The following ASB10 variants were observed in gnomAD, a reference collection of about 807,000 sequenced individuals.
ASB10 encodes ankyrin repeat and SOCS box protein 10.
Under a neutral mutation model 35.4 loss-of-function variants are expected in ASB10, and 44 were observed. The ratio of observed to expected loss-of-function variants is 1.24; its 90% CI spans 0.98 to 1.60. The LOEUF (loss-of-function observed/expected upper bound fraction) is 1.60. Ranked by LOEUF, ASB10 falls within the 40% of genes most tolerant of loss-of-function variation. The pLI, the probability that ASB10 is intolerant of heterozygous loss-of-function variation, is 0.00. For synonymous variants in ASB10, 294 were observed against 280.4 expected, an observed-to-expected ratio of 1.05 and a Z score of -0.49; for missense variants, 647 against 634.3, an observed-to-expected ratio of 1.02 and a Z score of -0.22.
rs762613067 is a variant in ASB10 at position 151,176,299 on chromosome 7, TG to T, written c.1219-3del. The stretch of plus-strand genomic sequence containing the variant: ...GGAGGAGTAGAAACGCTGATGTTTC[TG>T]GGGGCAGAACAAGGGGCTCAGTGAG... On this transcript the variant is annotated splice_polypyrimidine_tract_variant and splice_region_variant and intron_variant, in intron 4 of 5. Transcript: ENST00000420175. 3.2e-6 allele frequency: 5 copies of T among 1,541,876 alleles called. No homozygotes were observed. The South Asian group carries it at 5.1e-5, about 16-fold the overall frequency.
Position 151,176,228 on chromosome 7 carries a change from G to T in ASB10, c.1288C>A (p.Arg430Ser), listed in dbSNP as rs775363638. Residue 430 changes from arginine to serine, a missense_variant, in exon 5 of 6, where the codon CGC becomes AGC. Arg to Ser is a moderately radical substitution (Grantham distance 110). Coordinates refer to ENST00000420175, the MANE Select transcript of ASB10 (RefSeq NM_001142459.2). ...RQPRSLQHLS[R>S]CALRSHLEGS... ...TCCAGGTGGGAGCGGAGCGCACAGC[G>T]GCTCAAATGCTGCAGCGACCTGGGC... 1 of 1,603,348 alleles carries T rather than the reference G, an allele frequency of 6.2e-7. No individual in the cohort carries two copies. The highest frequency in any genetic ancestry group is 1.7e-5 in the Admixed American group (1 of 58,352).
intron 2 of ASB10, among the ~76,000 whole-genome samples, chr7:151,184,338 G>T (rs964196848): frequency 1.3e-5 from 2 of 151,936 alleles, no homozygotes; most frequent in South Asian, 4.2e-4. Context: ...GCGTGAACCC[G>T]GGAGGCGGAG....
chr7:151,180,905 A>C, intron 3 of ASB10, 34 bp downstream of exon 3: 5 of 1,457,288 alleles, frequency 3.4e-6, no homozygotes, highest in Non-Finnish European at 3.6e-6. Flanking sequence ...TCCCCTCACC[A>C]TGGTGGCCCT....
Position 151,186,804 on chromosome 7 carries a change from C to G in ASB10, c.316+11G>C, listed in dbSNP as rs559264032. On this transcript the variant is annotated intron_variant, in intron 1 of 5. Coordinates refer to ENST00000420175, the MANE Select transcript of ASB10 (RefSeq NM_001142459.2). ...TCTCCCACTGAGAGCCCCCAGTGCC[C>G]CGGCCCGTACTCAGAGCACGGATGT... 1 of 1,571,870 alleles carries G rather than the reference C, an allele frequency of 6.4e-7. No homozygotes were observed. The highest frequency in any genetic ancestry group is 1.3e-5 in the African/African-American group (1 of 74,448).
At chr7:151,185,605 G>A (rs980594817) in intron 2 of ASB10, among the ~76,000 whole-genome samples, 4 of 152,166 alleles carry the variant, frequency 2.6e-5, no homozygotes, top group Admixed American at 2.0e-4. Context: ...GAACCCCAGG[G>A]TCAATAATTT....
rs746210983 is a variant in ASB10, at chr7:151,181,474, G to A, written c.585-16C>T. 9 of 1,562,104 alleles carry A rather than the reference G, an allele frequency of 5.8e-6. No homozygotes were observed. Among genetic ancestry groups the A allele is most frequent in the African/African-American group, 2.7e-5 (2 of 73,998 alleles). ...CTCCGCACACCTATTGGGGGGAGACGGTGGTGGGGAGGAAAGCGGGCACGG... is the reference window on the plus strand; with the variant it reads ...CTCCGCACACCTATTGGGGGGAGACAGTGGTGGGGAGGAAAGCGGGCACGG... On this transcript the variant is annotated splice_polypyrimidine_tract_variant and intron_variant, in intron 2 of 5. Transcript: ENST00000420175.
rs1373659214 is a variant in ASB10, at chr7:151,181,290, T to C, written c.753A>G (p.Pro251=). ...PDARNAEGWT[P]LLAACDVRCQ... is the part of the protein sequence containing the mutation. ...AGCGGACGTCACAGGCAGCCAGCAG[T>C]GGGGTCCAGCCTTCGGCATTGCGGG... Residue 251 remains proline (P), a synonymous_variant, in exon 3 of 6, where the codon CCA becomes CCG. Transcript: ENST00000420175. 2 of 1,613,174 alleles carry C rather than the reference T, an allele frequency of 1.2e-6. No individual in the cohort carries two copies. Among genetic ancestry groups the C allele is most frequent in the South Asian group, 1.1e-5 (1 of 91,082 alleles).
rs766971494 is a variant in ASB10 at position 151,176,268 on chromosome 7, G to A, written c.1248C>T (p.Phe416=). The A allele has an allele frequency of 8.3e-6, 13 of 1,567,696 alleles. No individual in the cohort carries two copies. In the Admixed American group the frequency reaches 1.3e-4, roughly 16 times the overall value. Residue 416 remains phenylalanine (F), a synonymous_variant, in exon 5 of 6, where the codon TTC becomes TTT. Coordinates refer to ENST00000420175, the MANE Select transcript of ASB10 (RefSeq NM_001142459.2). The stretch of plus-strand genomic sequence containing the variant: ...GCGACCTGGGCTGCCTCACCAAGGC[G>A]AAGAGGGAGGAGTAGAAACGCTGAT... ...QKHQRFYSSL[F]ALVRQPRSLQ... is the part of the protein sequence containing the mutation.
intron 2 of ASB10, among the ~76,000 whole-genome samples, chr7:151,185,863 T>A (rs954140561): frequency 3.3e-5 from 5 of 152,160 alleles, no homozygotes; most frequent in African/African-American, 1.2e-4. Context: ...CTTGAGCCCA[T>A]GATCTGAGGG....
At position 151,187,056 on chromosome 7, in the gene ASB10, G is replaced by A. The variant is rs779336692; in HGVS notation, c.75C>T (p.Ala25=). Residue 25 remains alanine, a synonymous_variant, in exon 1 of 6, where the codon GCC becomes GCT. Coordinates refer to ENST00000420175, the MANE Select transcript of ASB10 (RefSeq NM_001142459.2). The surrounding 1 kb of genome is among the most constrained non-coding windows in gnomAD (Gnocchi z 5.3). ...EPLDDRHPLC[A]RLVEKPSRGS... is the part of the protein sequence containing the mutation. ...CTCTGCTGGGCTTCTCCACCAGCCT[G>A]GCACAGAGGGGGTGTCTGTCATCGA... 1.6e-5 allele frequency: 26 copies of A among 1,609,986 alleles called. No homozygotes were observed. Among genetic ancestry groups the A allele is most frequent in the African/African-American group, 1.6e-4 (12 of 74,874 alleles).
upstream of ASB10, chr7:151,187,404 C>G: frequency 6.5e-7 from 1 of 1,550,056 alleles, no homozygotes; most frequent in Non-Finnish European, 8.7e-7. This position sits in a 1 kb window ranked among gnomAD's most constrained non-coding sequence, Gnocchi z 5.3. Flanking sequence ...GTGGCCGAGG[C>G]AGTCAGCCCA....
Position 151,186,995 on chromosome 7 carries a change from T to C in ASB10, c.136A>G (p.Ile46Val), listed in dbSNP as rs142693835. The change falls in exon 1 of 6, where the codon ATC becomes GTC. Residue 46 changes from isoleucine to valine, a missense_variant. Transcript: ENST00000420175. ...EEHLKSGPGP[I>V]VTRTASGPAL... ...GGTCCTGAGGCTGTGCGGGTGACGA[T>C]GGGTCCCGGGCCAGACTTGAGGTGC... is the stretch of plus-strand genomic sequence containing the variant. 3.1e-6 allele frequency: 5 copies of C among 1,611,556 alleles called. No homozygotes were observed. The highest frequency in any genetic ancestry group is 4.2e-6 in the Non-Finnish European group (5 of 1,178,332).
chr7:151,182,039 G>A (rs555332640), intron 2 of ASB10, among the ~76,000 whole-genome samples: 2 of 152,354 alleles, frequency 1.3e-5, no homozygotes, highest in South Asian at 2.1e-4. Flanking sequence ...AGGGTTTTAC[G>A]TGTTGTAGCT....
Position 151,186,664 on chromosome 7 carries a change from G to A in ASB10, c.317-5C>T, listed in dbSNP as rs768267244. On this transcript the variant is annotated splice_region_variant and splice_polypyrimidine_tract_variant and intron_variant, in intron 1 of 5. Coordinates refer to ENST00000420175, the MANE Select transcript of ASB10 (RefSeq NM_001142459.2). ...CGTATGTCAGAGACCAGAGTCCTAG[G>A]GAGGGGAGACGTGGGCCTCAGATCC... The A allele has an allele frequency of 1.1e-5, 18 of 1,599,454 alleles. No homozygotes were observed. The highest frequency in any genetic ancestry group is 1.5e-5 in the Non-Finnish European group (18 of 1,170,714).
intron 2 of ASB10, among the ~76,000 whole-genome samples, chr7:151,184,446 A>G (rs1267957476): frequency 2.0e-5 from 3 of 152,098 alleles, no homozygotes; most frequent in Non-Finnish European, 4.4e-5. Context: ...ATGGGACAAC[A>G]TGGGTGAAGT....
At chr7:151,179,729 G>A (rs922646942) in intron 3 of ASB10, among the ~76,000 whole-genome samples, 5 of 152,232 alleles carry the variant, frequency 3.3e-5, no homozygotes, top group African/African-American at 1.2e-4. Context: ...CCCAGAGACA[G>A]GCTGAGAGGT....
Position 151,176,621 on chromosome 7 carries a change from T to C in ASB10, c.1160A>G (p.Tyr387Cys). 1 of 1,551,414 alleles carries C rather than the reference T, an allele frequency of 6.4e-7. No individual in the cohort carries two copies. Among genetic ancestry groups the C allele is most frequent in the African/African-American group, 1.4e-5 (1 of 73,130 alleles). Reference protein sequence around the residue: ...PRTIEVLMNTYSVVQLPEEAV... With the variant: ...PRTIEVLMNTCSVVQLPEEAV... ...CTCCTCGGGAAGCTGCACAACACTGTAGGTGTTCATCAGGACCTCGATGGT... is the reference window on the plus strand; with the variant it reads ...CTCCTCGGGAAGCTGCACAACACTGCAGGTGTTCATCAGGACCTCGATGGT... The change falls in exon 4 of 6, where the codon TAC (tyrosine) becomes TGC (cysteine). Residue 387 changes from tyrosine to cysteine, a missense_variant. Physicochemically the swap from Tyr to Cys is radical, Grantham distance 194. Coordinates refer to ENST00000420175, the MANE Select transcript of ASB10 (RefSeq NM_001142459.2).
chr7:151,180,620 A>G (rs554881459), intron 3 of ASB10, among the ~76,000 whole-genome samples: 1 of 152,076 alleles, frequency 6.6e-6, no homozygotes, highest in African/African-American at 2.4e-5. Flanking sequence ...TGGATCCTTT[A>G]TCTAATCTGG....
At position 151,177,561 on chromosome 7, in the gene ASB10, T is replaced by G. The variant is rs548323594; in HGVS notation, c.1105-885A>C. Among the ~76,000 whole-genome samples the G allele has an allele frequency of 6.7e-4, 88 of 132,142 alleles. No individual in the cohort carries two copies. In the South Asian group the frequency reaches 7.7e-3, roughly 12 times the overall value. 86.7% of individuals were successfully genotyped at this position (132,142 alleles called of 152,430 possible). On this transcript the variant is annotated intron_variant, in intron 3 of 5. Coordinates refer to ENST00000420175, the MANE Select transcript of ASB10 (RefSeq NM_001142459.2). ...TAAAAAGATCACAGAATCCATCCAA[T>G]GCCAAGTGAGGGTAGAGACAGCTAC...
Sources: gnomAD v4.1 joint callset for allele counts (sites outside exome capture counted in the v4.1 genomes callset) on GRCh38, gnomAD v4.1.1 for gene constraint, Gnocchi (gnomAD v3.1) non-coding constraint, MANE v1.5 for transcripts, NCBI Gene and HGNC (gene_info 2026-07-23, HGNC 2026-07-21) for gene names.